Variants in MMAA observed in about 807,000 individuals in gnomAD.
The protein encoded by MMAA is methylmalonic aciduria type A protein, mitochondrial.
A neutral mutation model predicts 45.0 loss-of-function variants in MMAA; 41 were observed. That is an observed-to-expected ratio of 0.91 (90% CI 0.71 to 1.18). The LOEUF (loss-of-function observed/expected upper bound fraction) is 1.18, where lower values mean the gene tolerates loss of function less well. MMAA is among the 50% of genes most tolerant of loss of function. MMAA has a pLI of 0.00. For missense variants in MMAA, 460 were observed against 495.7 expected (o/e 0.93, Z 0.68); for synonymous variants, 154 against 178.2 (o/e 0.86, Z 1.08).
chr4:145,643,395 T>G (rs1479146397), intron 3 of MMAA, among the ~76,000 whole-genome samples: 1 of 152,168 alleles, frequency 6.6e-6, no homozygotes, highest in Non-Finnish European at 1.5e-5. Flanking sequence ...CAATACAATG[T>G]GTGTTGTGAA....
At chr4:145,654,187 T>C (rs374165891) in intron 6 of MMAA, 44 bp downstream of exon 6, 129 of 1,609,628 alleles carry the variant, frequency 8.0e-5, no homozygotes, top group Non-Finnish European at 1.0e-4. Context: ...GAATGGATTG[T>C]GTACATTAGA....
Position 145,643,530 on chromosome 4 carries a change from C to T in MMAA, c.562+1045C>T, listed in dbSNP as rs146493951. On this transcript the variant is annotated intron_variant, in intron 3 of 6. Transcript: ENST00000649156. ...TTTTAGGGACTTAGGTTAATATAGA[C>T]GTGGACAATTCCTATTATCACCCCA... 1.1e-3 allele frequency among the ~76,000 whole-genome samples: 175 copies of T among 152,208 alleles called. 1 individual carries two copies. Among genetic ancestry groups the T allele is most frequent in the African/African-American group, 4.1e-3 (169 of 41,550 alleles).
chr4:145,625,068 C>G, intron 1 of MMAA: 1 of 925,922 alleles, frequency 1.1e-6, no homozygotes, highest in Non-Finnish European at 1.8e-6. Flanking sequence ...CTGCCATTCT[C>G]GGGCTTCCCC....
At chr4:145,647,027 A>C (rs1727944056) in intron 4 of MMAA, among the ~76,000 whole-genome samples, 1 of 152,186 alleles carries the variant, frequency 6.6e-6, no homozygotes, top group Non-Finnish European at 1.5e-5. Context: ...GGTATTTTGG[A>C]GAGATCCCTG....
intron 1 of MMAA, among the ~76,000 whole-genome samples, chr4:145,621,597 G>GT (rs1210811462): frequency 6.6e-6 from 1 of 152,252 alleles, no homozygotes; most frequent in African/African-American, 2.4e-5. Flanking sequence ...GTGGTTGGGG[G>GT]GGGTGGAATA....
chr4:145,646,478 CAT>C (rs1727930714), intron 4 of MMAA: 1 of 311,712 alleles, frequency 3.2e-6, no homozygotes, highest in Non-Finnish European at 6.0e-6. Flanking sequence ...AAGTACATTT[CAT>C]ATGTCTACTG....
intron 1 of MMAA, among the ~76,000 whole-genome samples, chr4:145,627,049 G>C (rs982717141): frequency 6.6e-6 from 1 of 152,196 alleles, no homozygotes; most frequent in African/African-American, 2.4e-5. Context: ...AGAAGGCAGA[G>C]AACTGCAATC....
At chr4:145,650,434 G>C (rs1728058344) in intron 4 of MMAA, 1 of 153,814 alleles carries the variant, frequency 6.5e-6, no homozygotes, top group South Asian at 2.0e-4. Flanking sequence ...CTGTGAAGTA[G>C]GTGCTGTAGT....
Position 145,626,107 on chromosome 4 carries a change from G to A in MMAA, c.-66+6700G>A, listed in dbSNP as rs997929210. 9.9e-6 allele frequency: 6 copies of A among 605,460 alleles called. No homozygotes were observed. In the Admixed American group the frequency reaches 1.8e-4, roughly 18 times the overall value. The allele number at this position is 605,460 out of a possible 1,614,324, so 37.5% of individuals were successfully genotyped here. The stretch of plus-strand genomic sequence containing the variant: ...GGGACCTTGGGTGGACTGAGACACG[G>A]CCCCACACAAACCTAGGGCCCAAAG... On this transcript the variant is annotated intron_variant, in intron 1 of 6. Transcript: ENST00000649156.
intron 4 of MMAA, chr4:145,650,674 G>A (rs374646743): frequency 1.9e-5 from 5 of 259,502 alleles, no homozygotes; most frequent in East Asian, 9.1e-5. Context: ...ATAATTGGGC[G>A]TTTGCAGGCA....
intron 1 of MMAA, chr4:145,624,446 G>T (rs1734154891): frequency 7.3e-6 from 6 of 821,362 alleles, no homozygotes; most frequent in South Asian, 1.5e-5. Flanking sequence ...GCTTTTGTTT[G>T]CCAGCTTTGT....
rs1728273228 is a variant in MMAA at position 145,657,741 on chromosome 4, T to C, written c.*2307T>C. On this transcript the variant is annotated 3_prime_UTR_variant, in exon 7 of 7. Transcript: ENST00000649156. ...TTTCAGATTGGCCAAGCTACTTAATTTCTCTGTGCCTCAGTTTCCTCACTA... is the reference window on the plus strand; with the variant it reads ...TTTCAGATTGGCCAAGCTACTTAATCTCTCTGTGCCTCAGTTTCCTCACTA... 6.6e-6 allele frequency: 1 copy of C among 152,212 alleles called. No individual in the cohort carries two copies. The highest frequency in any genetic ancestry group is 2.4e-5 in the African/African-American group (1 of 41,468). The allele number at this position is 152,212 out of a possible 1,614,324, so 9.4% of individuals were successfully genotyped here.
intron 1 of MMAA, among the ~76,000 whole-genome samples, chr4:145,629,278 C>T (rs572544381): frequency 6.6e-6 from 1 of 152,174 alleles, no homozygotes; most frequent in South Asian, 2.1e-4. Context: ...CTACAGGCAC[C>T]CACCACCACG....
chr4:145,641,745 G>A (rs1026328265), intron 2 of MMAA, among the ~76,000 whole-genome samples: 1 of 152,196 alleles, frequency 6.6e-6, no homozygotes, highest in African/African-American at 2.4e-5. Context: ...GCTAGAATGA[G>A]AACTGGCTGC....
In MMAA at chr4:145,642,430, G is replaced by A; in HGVS notation, c.507G>A (p.Glu169=). Residue 169 remains glutamate (E), a synonymous_variant, in exon 3 of 7, where the codon GAG becomes GAA. Transcript: ENST00000649156. ...FIEYFGKMLT[E]RGHKLSVLAV... is the part of the protein sequence containing the mutation. The stretch of plus-strand genomic sequence containing the variant: ...AATATTTTGGAAAAATGCTTACTGA[G>A]AGAGGGCACAAATTATCTGTGCTAG... 6.2e-7 allele frequency: 1 copy of A among 1,614,186 alleles called. No individual in the cohort carries two copies. The highest frequency in any genetic ancestry group is 8.5e-7 in the Non-Finnish European group (1 of 1,180,026).
intron 2 of MMAA, 90 bp downstream of exon 2, chr4:145,639,668 C>T (rs186607217): frequency 8.6e-5 from 127 of 1,479,734 alleles, no homozygotes; most frequent in Non-Finnish European, 6.3e-5. Flanking sequence ...AGTTTGCAAT[C>T]GAATGGCGAC....
At chr4:145,634,163 G>A (rs892507864) in intron 1 of MMAA, among the ~76,000 whole-genome samples, 1 of 152,206 alleles carries the variant, frequency 6.6e-6, no homozygotes, top group Non-Finnish European at 1.5e-5. Context: ...AGTTCCCCCA[G>A]GCTCCAGGTA....
At position 145,654,129 on chromosome 4, in the gene MMAA, G is replaced by T. The variant is rs1728167445; in HGVS notation, c.955G>T (p.Val319Phe). 6.2e-7 allele frequency: 1 copy of T among 1,614,020 alleles called. No individual in the cohort carries two copies. Among genetic ancestry groups the T allele is most frequent in the Non-Finnish European group, 8.5e-7 (1 of 1,180,000 alleles). Reference sequence around the variant, plus strand: ...GAAATTACTCCGCAAACGTTCACAAGTCTGGAAACCAAAGGTAAGCTTGCT... The same window carrying T: ...GAAATTACTCCGCAAACGTTCACAATTCTGGAAACCAAAGGTAAGCTTGCT... ...ALKLLRKRSQ[V>F]WKPKVIRISA... Residue 319 changes from valine (V) to phenylalanine (F), a missense_variant, in exon 6 of 7, where the codon GTC (valine) becomes TTC (phenylalanine). By Grantham distance (50) the Val-to-Phe change is conservative (BLOSUM62 -1). Transcript: ENST00000649156.
At chr4:145,642,827 C>T (rs1727824790) in intron 3 of MMAA, 1 of 315,420 alleles carries the variant, frequency 3.2e-6, no homozygotes, top group Non-Finnish European at 6.1e-6. Context: ...TGCATTAGCA[C>T]CTGTGCAATT....
Sources: allele counts gnomAD v4.1 joint callset (sites outside exome capture counted in the v4.1 genomes callset), GRCh38; gene constraint gnomAD v4.1.1; transcripts MANE v1.5; gene names NCBI Gene and HGNC (gene_info 2026-07-23, HGNC 2026-07-21).